Variants in ACACA observed in about 807,000 individuals in gnomAD.
ACACA encodes the protein acetyl-CoA carboxylase alpha.
In ACACA, 103 loss-of-function variants were observed where a neutral mutation model predicts 296.1. The ratio of observed to expected loss-of-function variants is 0.35; its 90% confidence interval spans 0.30 to 0.41. The LOEUF is 0.41. ACACA is among the 10% of genes least tolerant of loss of function. The pLI is 1.00. For synonymous variants in ACACA, 953 were observed against 1,038.6 expected, an observed-to-expected ratio of 0.92 and a Z score of 1.58; for missense variants, 1,554 against 2,989.7, an observed-to-expected ratio of 0.52 and a Z score of 11.20.
At chr17:37,110,240 G>C (rs1253770182) in intron 52 of ACACA, among the ~76,000 whole-genome samples, 1 of 152,248 alleles carries the variant, frequency 6.6e-6, no homozygotes, top group Non-Finnish European at 1.5e-5. Context: ...ATCTAAGTGA[G>C]ATGCTTATCA....
At chr17:37,185,380 A>C (rs1447729442) in intron 39 of ACACA, among the ~76,000 whole-genome samples, 3 of 140,412 alleles carry the variant, frequency 2.1e-5, no homozygotes, top group Non-Finnish European at 4.6e-5. Context: ...CTACAGGTGC[A>C]TGACACCATG....
At position 37,256,171 on chromosome 17, in the gene ACACA, A is replaced by T. The variant is rs201361544; in HGVS notation, c.1826+1532T>A. ...CCTGATTTTTTAATATTGTCAAATTAAAAAAAATTAACACTTTGTGAGCCC... is the reference window on the plus strand; with the variant it reads ...CCTGATTTTTTAATATTGTCAAATTTAAAAAAATTAACACTTTGTGAGCCC... On this transcript the variant is annotated intron_variant, in intron 14 of 55. Coordinates refer to ENST00000616317, the MANE Select transcript of ACACA (RefSeq NM_198834.3). 8.5e-5 allele frequency among the ~76,000 whole-genome samples: 13 copies of T among 152,216 alleles called. No individual in the cohort carries two copies. The East Asian group carries it at 1.5e-3, about 18-fold the overall frequency.
At chr17:37,380,690 C>G (rs1433106237) in intron 1 of ACACA, among the ~76,000 whole-genome samples, 2 of 152,014 alleles carry the variant, frequency 1.3e-5, no homozygotes, top group Non-Finnish European at 2.9e-5. Flanking sequence ...CTCTGCCTCC[C>G]AGGTTAAAGT....
At chr17:37,269,903 T>G (rs2081992976) in intron 10 of ACACA, among the ~76,000 whole-genome samples, 1 of 152,178 alleles carries the variant, frequency 6.6e-6, no homozygotes, top group Non-Finnish European at 1.5e-5. Flanking sequence ...TTTTCCATTT[T>G]TTGACAAATC....
intron 24 of ACACA, among the ~76,000 whole-genome samples, chr17:37,239,750 T>C (rs1438499517): frequency 1.3e-5 from 2 of 152,240 alleles, no homozygotes; most frequent in African/African-American, 4.8e-5. Flanking sequence ...TATTATTTTG[T>C]ATGTTATTGG....
chr17:37,291,143 T>TACACAC lies in ACACA; in HGVS notation c.339-6179_339-6174dup, dbSNP rs71159701. Among the ~76,000 whole-genome samples the TACACAC allele has an allele frequency of 9.7e-3, 1,323 of 136,936 alleles. 16 individuals are homozygous for TACACAC. The highest frequency in any genetic ancestry group is 0.03 in the East Asian group (142 of 4,710). 89.8% of individuals were successfully genotyped at this position (136,936 alleles called of 152,430 possible). On this transcript the variant is annotated intron_variant, in intron 3 of 55. Coordinates refer to ENST00000616317, the MANE Select transcript of ACACA (RefSeq NM_198834.3). Reference sequence around the variant, plus strand: ...CTAATGATAGCTGATGAAAAACACATACACACACACACACACACACACACA... The same window carrying TACACAC: ...CTAATGATAGCTGATGAAAAACACATACACACACACACACACACACACACACACACA...
chr17:37,203,848 G>A (rs896240780), intron 33 of ACACA, among the ~76,000 whole-genome samples: 1 of 152,216 alleles, frequency 6.6e-6, no homozygotes, highest in Non-Finnish European at 1.5e-5. Context: ...CCAAGGGCAA[G>A]AAGGAAGGTA....
intron 52 of ACACA, among the ~76,000 whole-genome samples, chr17:37,099,918 T>C (rs2073259974): frequency 6.6e-6 from 1 of 152,154 alleles, no homozygotes. Flanking sequence ...TGAGACATGT[T>C]AGAAAAATGC....
At position 37,381,687 on chromosome 17, in the gene ACACA, G is replaced by T. The variant is rs553887630; in HGVS notation, c.38+24575C>A. Among the ~76,000 whole-genome samples the T allele has an allele frequency of 5.2e-4, 77 of 147,576 alleles. 1 individual carries two copies. Among genetic ancestry groups the T allele is most frequent in the Admixed American group, 2.2e-3 (33 of 14,720 alleles). ...CCGTTGCCCAGGCTGGAGTGCAGTG[G>T]TGCGATCTCAGCTCACTGCAAGCTC... On this transcript the variant is annotated intron_variant, in intron 1 of 55. Coordinates refer to ENST00000616317, the MANE Select transcript of ACACA (RefSeq NM_198834.3).
intron 29 of ACACA, 51 bp downstream of exon 29, chr17:37,221,673 C>G (rs2079298529): frequency 7.1e-7 from 1 of 1,410,752 alleles, no homozygotes; most frequent in Admixed American, 1.7e-5. Flanking sequence ...CCCCTTGATT[C>G]TCATGGTATA....
intron 49 of ACACA, 52 bp downstream of exon 49, chr17:37,122,479 C>A: frequency 8.4e-6 from 12 of 1,432,722 alleles, no homozygotes; most frequent in Non-Finnish European, 1.2e-5. Context: ...ACAGGCACTG[C>A]GAAGAGAAAA....
chr17:37,153,564 G>C (rs1348528879), intron 43 of ACACA, among the ~76,000 whole-genome samples: 1 of 152,166 alleles, frequency 6.6e-6, no homozygotes, highest in Non-Finnish European at 1.5e-5. Flanking sequence ...CTATATCCAA[G>C]CTGATTCCAA....
At chr17:37,159,213 A>C (rs1403114138) in intron 42 of ACACA, among the ~76,000 whole-genome samples, 1 of 151,838 alleles carries the variant, frequency 6.6e-6, no homozygotes, top group African/African-American at 2.4e-5. Flanking sequence ...TATAACATAA[A>C]ATTAAACATT....
intron 41 of ACACA, among the ~76,000 whole-genome samples, chr17:37,169,392 T>C (rs1001748733): frequency 6.6e-6 from 1 of 152,206 alleles, no homozygotes; most frequent in African/African-American, 2.4e-5. Flanking sequence ...GAAAACTAGA[T>C]TGAAAAATGC....
In ACACA at chr17:37,221,668, T is replaced by C. The variant is rs1370790209; in HGVS notation, c.3683+56A>G. The stretch of plus-strand genomic sequence containing the variant: ...GAATTGTCATACACATTACTCCCCT[T>C]GATTCTCATGGTATACCTCTGGCTG... On this transcript the variant is annotated intron_variant, in intron 29 of 55. Coordinates refer to ENST00000616317, the MANE Select transcript of ACACA (RefSeq NM_198834.3). 16 of 1,374,014 alleles carry C rather than the reference T, an allele frequency of 1.2e-5. No individual in the cohort carries two copies. In the African/African-American group the frequency reaches 2.0e-4, roughly 17 times the overall value. 85.1% of individuals were successfully genotyped at this position (1,374,014 alleles called of 1,614,324 possible). A position where few individuals can be genotyped will look rare whatever the true frequency, so the allele number is the denominator to read the frequency against.
intron 30 of ACACA, 102 bp from the exon 31 acceptor site, chr17:37,207,902 G>T: frequency 7.1e-7 from 1 of 1,418,438 alleles, no homozygotes; most frequent in Non-Finnish European, 9.9e-7. Flanking sequence ...TCTGAAGTAG[G>T]GTCAGGTTGC....
chr17:37,183,868 T>TTTG, intron 39 of ACACA, among the ~76,000 whole-genome samples: 1 of 147,254 alleles, frequency 6.8e-6, no homozygotes, highest in African/African-American at 2.5e-5. Flanking sequence ...TTTTTTTTTT[T>TTTG]GGAGACGGAG....
chr17:37,358,836 G>A (rs2049267557), intron 1 of ACACA, among the ~76,000 whole-genome samples: 1 of 152,222 alleles, frequency 6.6e-6, no homozygotes, highest in Non-Finnish European at 1.5e-5. Context: ...CAGAGCTGCG[G>A]GAAGGGCTGG....
At chr17:37,145,597 G>T (rs1173638995) in intron 45 of ACACA, among the ~76,000 whole-genome samples, 1 of 152,166 alleles carries the variant, frequency 6.6e-6, no homozygotes, top group Non-Finnish European at 1.5e-5. Flanking sequence ...GTGAAACTTA[G>T]GGACATGAAA....
Sources: allele counts gnomAD v4.1 joint callset (sites outside exome capture counted in the v4.1 genomes callset), GRCh38; gene constraint gnomAD v4.1.1; transcripts MANE v1.5; gene names NCBI Gene and HGNC (gene_info 2026-07-23, HGNC 2026-07-21).